Variants in CYYR1 observed in about 807,000 individuals in gnomAD.
CYYR1 encodes the protein cysteine and tyrosine-rich protein 1.
CYYR1 carries 14 observed loss-of-function variants against 15.2 expected under a neutral mutation model. The ratio of observed to expected loss-of-function variants is 0.92; its 90% CI spans 0.61 to 1.44. CYYR1 has a LOEUF of 1.44. Ranked by LOEUF, CYYR1 falls within the 40% of genes most tolerant of loss-of-function variation. CYYR1 has a pLI of 0.00. For synonymous variants in CYYR1, 80 were observed against 77.4 expected (o/e 1.03, Z -0.18); for missense variants, 228 against 209.5 (o/e 1.09, Z -0.54).
rs35004233 is a variant in CYYR1, at chr21:26,480,577, A to T, written c.177-148T>A. ...GTGTTTTTCTTTTCTTTTTTTTTTT[A>T]AAACCCATAAGTTCCCTGAATTGAT... On this transcript the variant is annotated intron_variant, in intron 2 of 3. Transcript: ENST00000652641. 1,273 of 539,424 alleles carry T rather than the reference A, an allele frequency of 2.4e-3. 12 individuals carry two copies. The highest frequency in any genetic ancestry group is 0.016 in the African/African-American group (701 of 42,490). 33.4% of individuals were successfully genotyped at this position (539,424 alleles called of 1,614,324 possible).
At chr21:26,509,687 C>T (rs184408356) in intron 2 of CYYR1, among the ~76,000 whole-genome samples, 1 of 152,284 alleles carries the variant, frequency 6.6e-6, no homozygotes, top group Admixed American at 6.5e-5. Context: ...CTCAGTGATC[C>T]AGGATTTTTC....
chr21:26,565,356 C>T (rs1980538612), intron 2 of CYYR1, among the ~76,000 whole-genome samples: 1 of 152,112 alleles, frequency 6.6e-6, no homozygotes, highest in South Asian at 2.1e-4. Context: ...CCACTTGAGC[C>T]TTTGTAGGGC....
rs904618028 is a variant in CYYR1, at chr21:26,565,897, A to G, written c.176+369T>C. Among the ~76,000 whole-genome samples the G allele has an allele frequency of 2.0e-5, 3 of 152,364 alleles. No homozygotes were observed. The East Asian group carries it at 5.8e-4, about 29-fold the overall frequency. On this transcript the variant is annotated intron_variant, in intron 2 of 3. Transcript: ENST00000652641. ...CATGATGACAAAATAAACTGGCTATAATTAAATAACAAATCTTAACTTGCA... is the reference window on the plus strand; with the variant it reads ...CATGATGACAAAATAAACTGGCTATGATTAAATAACAAATCTTAACTTGCA...
rs752356452 is a variant in CYYR1 at position 26,466,293 on chromosome 21, C to T, written c.*2208G>A. On this transcript the variant is annotated 3_prime_UTR_variant, in exon 4 of 4. Coordinates refer to ENST00000652641, the MANE Select transcript of CYYR1 (RefSeq NM_001320768.2). ...TAGCAAATGTTAGTTTTTAAATAAC[C>T]GTAATTCAAAACTTTCACATCCTAT... 4 of 152,116 alleles carry T rather than the reference C, an allele frequency of 2.6e-5. No individual in the cohort carries two copies. The highest frequency in any genetic ancestry group is 4.8e-5 in the African/African-American group (2 of 41,428). 9.4% of individuals were successfully genotyped at this position (152,116 alleles called of 1,614,324 possible). A position where few individuals can be genotyped will look rare whatever the true frequency, so the allele number is the denominator to read the frequency against.
chr21:26,515,306 T>A (rs1569156315), intron 2 of CYYR1, among the ~76,000 whole-genome samples: 1 of 152,192 alleles, frequency 6.6e-6, no homozygotes, highest in Non-Finnish European at 1.5e-5. Context: ...GTCTCCTCCA[T>A]ATTACATGTT....
At chr21:26,541,092 G>A (rs970382732) in intron 2 of CYYR1, among the ~76,000 whole-genome samples, 1 of 152,124 alleles carries the variant, frequency 6.6e-6, no homozygotes, top group African/African-American at 2.4e-5. Context: ...ATATAATCTA[G>A]AGAGCAGAGA....
At chr21:26,474,256 T>C (rs1001702155) in intron 3 of CYYR1, among the ~76,000 whole-genome samples, 4 of 152,004 alleles carry the variant, frequency 2.6e-5, no homozygotes, top group Admixed American at 2.6e-4. Flanking sequence ...GGTTTCACCA[T>C]GTTGGTCAGG....
intron 2 of CYYR1, among the ~76,000 whole-genome samples, chr21:26,522,100 T>C (rs1468849507): frequency 6.6e-6 from 1 of 152,256 alleles, no homozygotes; most frequent in Non-Finnish European, 1.5e-5. Context: ...ATTTCACCTT[T>C]ATTTTTAAGC....
At chr21:26,512,944 C>T (rs1486734920) in intron 2 of CYYR1, among the ~76,000 whole-genome samples, 2 of 152,162 alleles carry the variant, frequency 1.3e-5, no homozygotes, top group Non-Finnish European at 2.9e-5. Flanking sequence ...TTCTCCTAGC[C>T]AAGCGTTTAA....
At chr21:26,516,932 G>T (rs993931370) in intron 2 of CYYR1, among the ~76,000 whole-genome samples, 1 of 151,016 alleles carries the variant, frequency 6.6e-6, no homozygotes, top group Non-Finnish European at 1.5e-5. Context: ...TGGCTAACAC[G>T]GTGAAACCCC....
intron 2 of CYYR1, among the ~76,000 whole-genome samples, chr21:26,560,348 C>T (rs1569177892): frequency 1.3e-5 from 2 of 152,122 alleles, no homozygotes; most frequent in African/African-American, 2.4e-5. Context: ...CTGAGAAATA[C>T]TGACAATCAT....
chr21:26,498,309 CT>C (rs1039801346), intron 2 of CYYR1, among the ~76,000 whole-genome samples: 2 of 152,150 alleles, frequency 1.3e-5, no homozygotes, highest in African/African-American at 4.8e-5. Context: ...ATGACCTTGT[CT>C]TTCTTATAGG....
At position 26,573,278 on chromosome 21, in the gene CYYR1, A is replaced by C. The variant is rs1316860562; in HGVS notation, c.-338T>G. The C allele has an allele frequency of 7.7e-7, 1 of 1,302,348 alleles. No homozygotes were observed. The highest frequency in any genetic ancestry group is 9.9e-7 in the Non-Finnish European group (1 of 1,008,196). 80.7% of individuals were successfully genotyped at this position (1,302,348 alleles called of 1,614,324 possible). Reference sequence around the variant, plus strand: ...CTCACATTTCATCTCCGCGGGTGGCAACGACTGCGGGCAGGGGGCGGGGGT... The same window carrying C: ...CTCACATTTCATCTCCGCGGGTGGCCACGACTGCGGGCAGGGGGCGGGGGT... On this transcript the variant is annotated 5_prime_UTR_variant, in exon 1 of 4. Transcript: ENST00000652641.
At chr21:26,483,929 G>A (rs1819536760) in intron 2 of CYYR1, among the ~76,000 whole-genome samples, 1 of 151,896 alleles carries the variant, frequency 6.6e-6, no homozygotes, top group Non-Finnish European at 1.5e-5. Flanking sequence ...TGAGTCTTGT[G>A]CTCCTGGACT....
intron 3 of CYYR1, among the ~76,000 whole-genome samples, chr21:26,475,356 T>C (rs1410849688): frequency 2.0e-5 from 3 of 152,202 alleles, no homozygotes; most frequent in Non-Finnish European, 4.4e-5. Flanking sequence ...TTTATGTACT[T>C]ATTGCCTTAC....
chr21:26,561,918 C>A (rs933097496), intron 2 of CYYR1, among the ~76,000 whole-genome samples: 1 of 152,142 alleles, frequency 6.6e-6, no homozygotes, highest in African/African-American at 2.4e-5. Context: ...CACTCAATTG[C>A]ACCCTCTATT....
intron 2 of CYYR1, among the ~76,000 whole-genome samples, chr21:26,517,262 T>G (rs1050153449): frequency 2.6e-5 from 4 of 152,088 alleles, no homozygotes; most frequent in Non-Finnish European, 5.9e-5. Context: ...ATAGTAGGAT[T>G]AGTCAAGCCT....
At chr21:26,484,824 C>A (rs1357920198) in intron 2 of CYYR1, among the ~76,000 whole-genome samples, 1 of 151,978 alleles carries the variant, frequency 6.6e-6, no homozygotes, top group Non-Finnish European at 1.5e-5. Flanking sequence ...GTTGGCAGCT[C>A]CAGCAAAAGT....
chr21:26,573,099 C>G lies in CYYR1; in HGVS notation c.-159G>C. On this transcript the variant is annotated 5_prime_UTR_variant, in exon 1 of 4. Transcript: ENST00000652641. ...GGGAGCCTTCCAAGGGAGCCCGGGC[C>G]GGGCGCGTCCCGGGCCAGCGACTGC... 2.7e-6 allele frequency: 4 copies of G among 1,497,738 alleles called. No individual in the cohort carries two copies. The highest frequency in any genetic ancestry group is 1.2e-5 in the South Asian group (1 of 82,500). 92.8% of individuals were successfully genotyped at this position (1,497,738 alleles called of 1,614,324 possible).
Sources: gnomAD v4.1 joint callset for allele counts (sites outside exome capture counted in the v4.1 genomes callset) on GRCh38, gnomAD v4.1.1 for gene constraint, MANE v1.5 for transcripts, NCBI Gene and HGNC (gene_info 2026-07-23, HGNC 2026-07-21) for gene names.